Variants in ANKRD55 observed in about 807,000 individuals in gnomAD.
The protein encoded by ANKRD55 is ankyrin repeat domain-containing protein 55.
A neutral mutation model predicts 60.6 loss-of-function variants in ANKRD55; 41 were observed. The ratio of observed to expected loss-of-function variants is 0.68; its 90% CI spans 0.53 to 0.88. The LOEUF (loss-of-function observed/expected upper bound fraction) is 0.88. Among genes scored for constraint, ANKRD55 ranks in the 40% least tolerant of loss-of-function variants. ANKRD55 has a pLI of 0.00. For missense variants in ANKRD55, 732 were observed against 767.6 expected, an observed-to-expected ratio of 0.95 and a Z score of 0.55; for synonymous variants, 264 against 290.3, an observed-to-expected ratio of 0.91 and a Z score of 0.92.
rs536025587 is a variant in ANKRD55 at position 56,170,846 on chromosome 5, A to T, written c.313-43T>A. The T allele has an allele frequency of 1.2e-5, 19 of 1,533,290 alleles. No homozygotes were observed. In the Middle Eastern group the frequency reaches 5.1e-4, roughly 41 times the overall value. The allele number at this position is 1,533,290 out of a possible 1,614,324, so 95.0% of individuals were successfully genotyped here. Reference sequence around the variant, plus strand: ...CCACATCATTATATAACAGAAGCTCACGTAACATGGTCCAACAAACTTTCT... The same window carrying T: ...CCACATCATTATATAACAGAAGCTCTCGTAACATGGTCCAACAAACTTTCT... On this transcript the variant is annotated intron_variant, in intron 4 of 11. Transcript: ENST00000341048.
intron 2 of ANKRD55, among the ~76,000 whole-genome samples, chr5:56,219,983 G>A (rs1318413621): frequency 6.6e-6 from 1 of 152,232 alleles, no homozygotes; most frequent in African/African-American, 2.4e-5. Flanking sequence ...GGGTTAGTGA[G>A]TAGAGATGAC....
chr5:56,186,535 G>GA (rs1758978474), intron 2 of ANKRD55, among the ~76,000 whole-genome samples: 2 of 151,642 alleles, frequency 1.3e-5, no homozygotes, highest in Middle Eastern at 3.4e-3. Context: ...TTGTTGTGAG[G>GA]AAAAAAATGA....
At chr5:56,211,139 G>C (rs994141458) in intron 2 of ANKRD55, among the ~76,000 whole-genome samples, 1 of 152,106 alleles carries the variant, frequency 6.6e-6, no homozygotes, top group African/African-American at 2.4e-5. Context: ...TAGAATTGTT[G>C]GTAGCACATC....
intron 2 of ANKRD55, among the ~76,000 whole-genome samples, chr5:56,200,797 G>T (rs974843290): frequency 1.6e-4 from 25 of 152,154 alleles, no homozygotes; most frequent in Admixed American, 1.6e-3. Context: ...GTAATTTGGG[G>T]AGGCTTTCTT....
intron 9 of ANKRD55, 31 bp downstream of exon 9, chr5:56,116,584 T>G: frequency 6.9e-7 from 1 of 1,440,756 alleles, no homozygotes; most frequent in South Asian, 1.6e-5. Context: ...TTGAGAAGAA[T>G]AGAAAAATAA....
chr5:56,119,624 A>G (rs546295134), intron 8 of ANKRD55, among the ~76,000 whole-genome samples: 14 of 152,208 alleles, frequency 9.2e-5, no homozygotes, highest in Non-Finnish European at 1.5e-4. Flanking sequence ...TTTAAAAATA[A>G]AAAACCATGG....
At chr5:56,100,479 G>C (rs1335011570) in intron 11 of ANKRD55, among the ~76,000 whole-genome samples, 175 bp from the exon 12 acceptor site, 3 of 152,128 alleles carry the variant, frequency 2.0e-5, no homozygotes, top group African/African-American at 7.2e-5. Flanking sequence ...ATCTGTTCAG[G>C]CTTGCTGCAT....
In ANKRD55 at chr5:56,173,572, C is replaced by A. The variant is rs868363035; in HGVS notation, c.312+2580G>T. On this transcript the variant is annotated intron_variant, in intron 4 of 11. Transcript: ENST00000341048. ...TCTCTCTCTCTCTCTCTCTCTCTCTCTCTCTCTCTCTATATATATATATAT... is the reference window on the plus strand; with the variant it reads ...TCTCTCTCTCTCTCTCTCTCTCTCTATCTCTCTCTCTATATATATATATAT... Among the ~76,000 whole-genome samples the A allele has an allele frequency of 9.7e-3, 1,020 of 105,630 alleles. 8 individuals carry two copies. The highest frequency in any genetic ancestry group is 0.015 in the East Asian group (53 of 3,492). The allele number at this position is 105,630 out of a possible 152,430, so 69.3% of individuals were successfully genotyped here. A position where few individuals can be genotyped will look rare whatever the true frequency, so the allele number is the denominator to read the frequency against.
At chr5:56,187,727 A>G (rs1759005612) in intron 2 of ANKRD55, among the ~76,000 whole-genome samples, 1 of 152,232 alleles carries the variant, frequency 6.6e-6, no homozygotes, top group Admixed American at 6.5e-5. Context: ...GCTGAACGCT[A>G]GTCACTGGGT....
At chr5:56,221,066 T>C (rs1303631798) in intron 2 of ANKRD55, among the ~76,000 whole-genome samples, 3 of 152,152 alleles carry the variant, frequency 2.0e-5, no homozygotes, top group African/African-American at 7.2e-5. Context: ...AATCACAGAA[T>C]TCTCCTCAAT....
intron 6 of ANKRD55, among the ~76,000 whole-genome samples, chr5:56,151,236 T>A (rs959871499): frequency 6.6e-6 from 1 of 152,196 alleles, no homozygotes; most frequent in Non-Finnish European, 1.5e-5. Context: ...TAAATATGGG[T>A]AAGGACTCCT....
At chr5:56,201,932 G>A (rs191426342) in intron 2 of ANKRD55, among the ~76,000 whole-genome samples, 3 of 152,294 alleles carry the variant, frequency 2.0e-5, no homozygotes, top group Admixed American at 1.3e-4. Flanking sequence ...GAGAAAATGT[G>A]ATACATATGC....
chr5:56,100,703 A>C (rs768833874), intron 11 of ANKRD55, among the ~76,000 whole-genome samples: 20 of 152,216 alleles, frequency 1.3e-4, no homozygotes, highest in Non-Finnish European at 2.6e-4. Context: ...TAAGAAAAGC[A>C]CTGTGGGCCC....
At chr5:56,201,319 TAAAG>T (rs1759371747) in intron 2 of ANKRD55, among the ~76,000 whole-genome samples, 2 of 152,180 alleles carry the variant, frequency 1.3e-5, no homozygotes, top group African/African-American at 2.4e-5. Context: ...CCACTGGTAA[TAAAG>T]AGTCTCTGTG....
At chr5:56,116,584 T>A in intron 9 of ANKRD55, 31 bp downstream of exon 9, 2 of 1,440,756 alleles carry the variant, frequency 1.4e-6, no homozygotes, top group Middle Eastern at 3.7e-4. Context: ...TTGAGAAGAA[T>A]AGAAAAATAA....
At chr5:56,218,693 C>T (rs375865951) in intron 2 of ANKRD55, among the ~76,000 whole-genome samples, 1 of 152,128 alleles carries the variant, frequency 6.6e-6, no homozygotes, top group Non-Finnish European at 1.5e-5. Context: ...GGTCTGGAAA[C>T]AAACCCACTG....
chr5:56,137,897 A>C, intron 7 of ANKRD55, among the ~76,000 whole-genome samples: 1 of 152,184 alleles, frequency 6.6e-6, no homozygotes, highest in East Asian at 1.9e-4. Flanking sequence ...GAAAATTTGC[A>C]GATGACTAAT....
chr5:56,151,745 G>A (rs749365000), intron 6 of ANKRD55, among the ~76,000 whole-genome samples: 4 of 151,552 alleles, frequency 2.6e-5, no homozygotes, highest in African/African-American at 7.3e-5. Flanking sequence ...CCCAAGAGGC[G>A]GAGGTTGCAG....
chr5:56,132,424 C>CAAAAAAAAAAAAAAAAAAAAAAAAAA (rs34289990), intron 7 of ANKRD55, among the ~76,000 whole-genome samples: 1 of 120,372 alleles, frequency 8.3e-6, no homozygotes, highest in African/African-American at 3.6e-5. Flanking sequence ...ACTTAAAATA[C>CAAAAAAAAAAAAAAAAAAAAAAAAAA]AAAAAAAAAA....
Sources: allele counts gnomAD v4.1 joint callset (sites outside exome capture counted in the v4.1 genomes callset), GRCh38; gene constraint gnomAD v4.1.1; transcripts MANE v1.5; gene names NCBI Gene and HGNC (gene_info 2026-07-23, HGNC 2026-07-21).